Variants in KCNH1 observed in about 807,000 individuals in gnomAD.
KCNH1 encodes voltage-gated delayed rectifier potassium channel KCNH1.
Under a neutral mutation model 69.2 loss-of-function variants are expected in KCNH1, and 27 were observed. The ratio of observed to expected loss-of-function variants is 0.39; its 90% CI spans 0.29 to 0.54. The LOEUF (loss-of-function observed/expected upper bound fraction) is 0.54, where lower values mean the gene tolerates loss of function less well. Ranked by LOEUF, KCNH1 falls within the 20% of genes least tolerant of loss-of-function variation. KCNH1 has a pLI of 0.68. For synonymous variants in KCNH1, 456 were observed against 487.7 expected (o/e 0.93, Z 0.86); for missense variants, 798 against 1,261.6 (o/e 0.63, Z 5.57).
chr1:211,095,793 G>A (rs1163029062), intron 3 of KCNH1, among the ~76,000 whole-genome samples: 1 of 152,172 alleles, frequency 6.6e-6, no homozygotes, highest in Non-Finnish European at 1.5e-5. Context: ...TCAACTTTAT[G>A]GAGATGAATG....
chr1:210,847,452 C>G (rs1027027415), intron 7 of KCNH1, among the ~76,000 whole-genome samples: 1 of 151,950 alleles, frequency 6.6e-6, no homozygotes, highest in African/African-American at 2.4e-5. Flanking sequence ...AAACTGGAAA[C>G]CATCATTCTC....
intron 7 of KCNH1, among the ~76,000 whole-genome samples, chr1:210,856,859 C>CTA (rs1241316583): frequency 6.4e-5 from 5 of 78,412 alleles, no homozygotes; most frequent in African/African-American, 1.3e-4. Context: ...ATGTAACCCA[C>CTA]TATATATATA....
At chr1:210,967,364 T>C (rs1688427980) in intron 6 of KCNH1, among the ~76,000 whole-genome samples, 1 of 151,774 alleles carries the variant, frequency 6.6e-6, no homozygotes, top group African/African-American at 2.4e-5. Context: ...AGTAAAAAGA[T>C]ACCCTCTGCT....
chr1:210,985,953 G>T (rs1688824233), intron 6 of KCNH1, among the ~76,000 whole-genome samples: 1 of 152,180 alleles, frequency 6.6e-6, no homozygotes, highest in African/African-American at 2.4e-5. Flanking sequence ...CTTGCTTTAT[G>T]AATCTGGGTG....
chr1:211,101,721 A>T (rs1467628515), intron 3 of KCNH1, among the ~76,000 whole-genome samples: 1 of 152,208 alleles, frequency 6.6e-6, no homozygotes, highest in Non-Finnish European at 1.5e-5. Flanking sequence ...GCCGTGGAGC[A>T]AACACTGGAA....
chr1:211,059,492 C>T (rs1312813848), intron 5 of KCNH1, among the ~76,000 whole-genome samples: 2 of 151,950 alleles, frequency 1.3e-5, no homozygotes, highest in Non-Finnish European at 2.9e-5. Flanking sequence ...CCTGTAATCC[C>T]AGCACTTTGG....
At chr1:210,740,967 C>T (rs962395513) in intron 10 of KCNH1, among the ~76,000 whole-genome samples, 7 of 152,084 alleles carry the variant, frequency 4.6e-5, no homozygotes, top group Non-Finnish European at 8.8e-5. Flanking sequence ...GAAACCTATC[C>T]TTTCAATCAT....
chr1:211,126,707 G>T lies in KCNH1; in HGVS notation c.79+7160C>A, dbSNP rs1385797375. ...TATCTCAAAAAAAAAAAAAAAAAAA[G>T]ACTGCACTTGCCTAGAGAACAGCCA... On this transcript the variant is annotated intron_variant, in intron 1 of 10. Coordinates refer to ENST00000271751, the MANE Select transcript of KCNH1 (RefSeq NM_172362.3). 7.6e-5 allele frequency among the ~76,000 whole-genome samples: 9 copies of T among 119,006 alleles called. 1 individual carries two copies. The South Asian group carries it at 1.9e-3, about 25-fold the overall frequency. 78.1% of individuals were successfully genotyped at this position (119,006 alleles called of 152,430 possible). A position where few individuals can be genotyped will look rare whatever the true frequency, so the allele number is the denominator to read the frequency against.
chr1:210,893,691 T>C (rs1686798533), intron 7 of KCNH1, among the ~76,000 whole-genome samples: 1 of 152,084 alleles, frequency 6.6e-6, no homozygotes, highest in Non-Finnish European at 1.5e-5. Flanking sequence ...CTCAGAAAGA[T>C]TTCCCTCTCT....
chr1:210,697,905 A>C (rs982079105), intron 10 of KCNH1, among the ~76,000 whole-genome samples: 5 of 152,252 alleles, frequency 3.3e-5, no homozygotes, highest in African/African-American at 1.2e-4. Flanking sequence ...CAGGAAGCAG[A>C]TAATGCAAAA....
intron 6 of KCNH1, among the ~76,000 whole-genome samples, chr1:210,998,424 C>T (rs1225914584): frequency 1.6e-4 from 25 of 152,276 alleles, no homozygotes; most frequent in Non-Finnish European, 2.9e-4. Context: ...AAGGTCATTA[C>T]ATAATGGTAA....
intron 10 of KCNH1, among the ~76,000 whole-genome samples, chr1:210,749,225 C>T (rs961120283): frequency 1.3e-5 from 2 of 152,142 alleles, no homozygotes; most frequent in African/African-American, 4.8e-5. Context: ...GGAAAGCTAC[C>T]TCAGGCCACC....
intron 10 of KCNH1, 62 bp downstream of exon 10, chr1:210,775,286 G>A: frequency 7.0e-7 from 1 of 1,428,520 alleles, no homozygotes; most frequent in Non-Finnish European, 9.7e-7. Flanking sequence ...TCTGGTCACA[G>A]TGATTATCCA....
chr1:210,927,759 T>A (rs1398190669), intron 6 of KCNH1, among the ~76,000 whole-genome samples: 1 of 152,038 alleles, frequency 6.6e-6, no homozygotes, highest in East Asian at 1.9e-4. Flanking sequence ...TTAAAATATA[T>A]AGAATGGCAG....
Position 210,986,479 on chromosome 1 carries a change from G to A in KCNH1, c.1032+32304C>T, listed in dbSNP as rs1688837043. ...CAGGAGCTCTTTTAGGGCAGGCCTG[G>A]TGGTGACAAAATCTCTCAGCATTTG... On this transcript the variant is annotated intron_variant, in intron 6 of 10. Coordinates refer to ENST00000271751, the MANE Select transcript of KCNH1 (RefSeq NM_172362.3). Among the ~76,000 whole-genome samples the A allele has an allele frequency of 2.6e-5, 4 of 152,086 alleles. No individual in the cohort carries two copies. In the South Asian group the frequency reaches 6.2e-4, roughly 24 times the overall value.
chr1:210,964,574 G>A (rs4951690), intron 6 of KCNH1, among the ~76,000 whole-genome samples: 11,964 of 152,162 alleles, frequency 0.079, 667 homozygotes, highest in South Asian at 0.18. Flanking sequence ...TGCCTGAATA[G>A]ACCAATAACC....
chr1:210,775,405 C>T lies in KCNH1; in HGVS notation c.2055G>A (p.Thr685=), dbSNP rs554754505. Residue 685 remains threonine, a synonymous_variant, in exon 10 of 11, where the codon ACG becomes ACA. Coordinates refer to ENST00000271751, the MANE Select transcript of KCNH1 (RefSeq NM_172362.3). ...TCCGGGAGAAGGAATGGGAGAAGGC[C>T]GTGTAGAATTCCAGCACTTTCTGCA... The part of the protein sequence containing the change: ...DALQKVLEFY[T]AFSHSFSRNL... The T allele has an allele frequency of 3.5e-5, 56 of 1,614,098 alleles. No homozygotes were observed. The South Asian group carries it at 3.8e-4, about 11-fold the overall frequency.
At chr1:210,854,780 A>C (rs12058816) in intron 7 of KCNH1, among the ~76,000 whole-genome samples, 36,103 of 152,138 alleles carry the variant, frequency 0.24, 4,443 homozygotes, top group African/African-American at 0.32. Context: ...GAGAACTAAA[A>C]ATAAAAGAGA....
intron 7 of KCNH1, among the ~76,000 whole-genome samples, chr1:210,878,008 A>G (rs372702089): frequency 4.6e-5 from 7 of 152,210 alleles, no homozygotes; most frequent in African/African-American, 1.7e-4. Flanking sequence ...ATACTCATTT[A>G]TGTGGGTTGG....
Sources: allele counts gnomAD v4.1 joint callset (sites outside exome capture counted in the v4.1 genomes callset), GRCh38; gene constraint gnomAD v4.1.1; transcripts MANE v1.5; gene names NCBI Gene and HGNC (gene_info 2026-07-23, HGNC 2026-07-21).